DLG2: variants seen among roughly 807,000 people sequenced by gnomAD.
The protein encoded by DLG2 is disks large homolog 2.
DLG2 carries 45 observed loss-of-function variants against 132.5 expected under a neutral mutation model. The observed-to-expected ratio is 0.34, with a 90% confidence interval of 0.27 to 0.44. The LOEUF (loss-of-function observed/expected upper bound fraction) is 0.44, where lower values mean the gene tolerates loss of function less well. DLG2 is among the 20% of genes least tolerant of loss of function. The probability of loss-of-function intolerance (pLI) is 1.00; values close to 1 mark genes in which losing one functional copy is unlikely to be tolerated. For missense variants in DLG2, 1,045 were observed against 1,196.9 expected (o/e 0.87, Z 1.87); for synonymous variants, 424 against 419.6 (o/e 1.01, Z -0.13).
intron 5 of DLG2, among the ~76,000 whole-genome samples, chr11:85,112,844 G>C (rs986853687): frequency 6.6e-6 from 1 of 152,004 alleles, no homozygotes; most frequent in African/African-American, 2.4e-5. Flanking sequence ...TGTTATTTTA[G>C]ACTGTCTCTT....
chr11:85,271,108 G>A (rs1229823839), intron 4 of DLG2, among the ~76,000 whole-genome samples: 1 of 152,156 alleles, frequency 6.6e-6, no homozygotes, highest in Non-Finnish European at 1.5e-5. Flanking sequence ...GGTTTTGTGG[G>A]CCAGGCCCAG....
intron 6 of DLG2, among the ~76,000 whole-genome samples, chr11:84,841,319 A>G (rs956569776): frequency 6.6e-6 from 1 of 151,982 alleles, no homozygotes; most frequent in African/African-American, 2.4e-5. Flanking sequence ...TGGGTTGTGA[A>G]AGAAATAAAA....
At chr11:85,094,798 C>G (rs941735256) in intron 6 of DLG2, among the ~76,000 whole-genome samples, 1 of 152,178 alleles carries the variant, frequency 6.6e-6, no homozygotes, top group African/African-American at 2.4e-5. Context: ...TAATTTCCTT[C>G]AAGAACTTTT....
chr11:85,498,143 TAAAG>T (rs1384500175), intron 3 of DLG2, among the ~76,000 whole-genome samples: 2 of 151,920 alleles, frequency 1.3e-5, no homozygotes, highest in African/African-American at 4.8e-5. Context: ...GCAAATAAAA[TAAAG>T]AGTCAAGAAC....
chr11:83,567,584 A>G (rs1473336598), intron 19 of DLG2, among the ~76,000 whole-genome samples: 5 of 152,212 alleles, frequency 3.3e-5, no homozygotes, highest in African/African-American at 1.2e-4. Context: ...GTCTAGTAGG[A>G]AAGAAAATTA....
At chr11:85,111,832 TA>T (rs2072805771) in intron 5 of DLG2, 97 bp from the exon 6 acceptor site, 8 of 887,462 alleles carry the variant, frequency 9.0e-6, no homozygotes, top group Non-Finnish European at 1.3e-5. Context: ...TTTATTACCT[TA>T]TTTATAATCA....
intron 19 of DLG2, among the ~76,000 whole-genome samples, chr11:83,593,660 A>G (rs2097231922): frequency 6.7e-6 from 1 of 149,212 alleles, no homozygotes; most frequent in South Asian, 2.1e-4. Flanking sequence ...AAAGAAATAT[A>G]TTAAAAAAAA....
chr11:85,087,605 G>A (rs1040712808), intron 6 of DLG2, among the ~76,000 whole-genome samples: 1 of 152,052 alleles, frequency 6.6e-6, no homozygotes, highest in South Asian at 2.1e-4. Flanking sequence ...TTGGGAGGCC[G>A]AGGCGGGTGG....
chr11:84,960,584 C>T (rs970758876), intron 6 of DLG2, among the ~76,000 whole-genome samples: 5 of 151,940 alleles, frequency 3.3e-5, no homozygotes, highest in African/African-American at 1.2e-4. Context: ...TACAGGCACA[C>T]ACCACCATGC....
chr11:83,973,126 T>A (rs1358468872), intron 12 of DLG2, among the ~76,000 whole-genome samples: 1 of 152,116 alleles, frequency 6.6e-6, no homozygotes, highest in Non-Finnish European at 1.5e-5. Flanking sequence ...ATCACATGGA[T>A]ATTTATATTT....
At chr11:84,945,074 G>T (rs761574653) in intron 6 of DLG2, among the ~76,000 whole-genome samples, 1 of 152,138 alleles carries the variant, frequency 6.6e-6, no homozygotes, top group Non-Finnish European at 1.5e-5. Flanking sequence ...TCATGTTTTC[G>T]TAGATGGTCT....
chr11:83,870,680 G>A (rs79089740), intron 16 of DLG2, among the ~76,000 whole-genome samples: 312 of 152,280 alleles, frequency 2.0e-3, no homozygotes, highest in African/African-American at 7.4e-3. Context: ...TTTTTTCTGA[G>A]AAGAAGCTTC....
intron 11 of DLG2, among the ~76,000 whole-genome samples, chr11:84,052,585 A>G (rs1566235421): frequency 6.6e-6 from 1 of 151,948 alleles, no homozygotes; most frequent in African/African-American, 2.4e-5. Flanking sequence ...GCCAACAAAC[A>G]TATGAAAAAA....
intron 8 of DLG2, among the ~76,000 whole-genome samples, chr11:84,184,539 T>C (rs1459478206): frequency 3.3e-5 from 5 of 151,398 alleles, no homozygotes; most frequent in African/African-American, 4.8e-5. Flanking sequence ...ACTCTGATGG[T>C]AGTTTCTTTT....
intron 6 of DLG2, among the ~76,000 whole-genome samples, chr11:84,601,230 A>AACAC (rs147136019): frequency 2.6e-5 from 4 of 151,166 alleles, no homozygotes; most frequent in Non-Finnish European, 5.9e-5. Flanking sequence ...ATTGTTTTGA[A>AACAC]ACACACACAC....
At chr11:84,885,323 A>G (rs1480065596) in intron 6 of DLG2, among the ~76,000 whole-genome samples, 1 of 152,018 alleles carries the variant, frequency 6.6e-6, no homozygotes, top group African/African-American at 2.4e-5. Flanking sequence ...TATGCACATT[A>G]GGAAAGCAAT....
At chr11:84,578,291 GC>G (rs1396035431) in intron 6 of DLG2, among the ~76,000 whole-genome samples, 1 of 152,066 alleles carries the variant, frequency 6.6e-6, no homozygotes, top group Non-Finnish European at 1.5e-5. Flanking sequence ...GGGCCACTGT[GC>G]TCCAGACCCC....
intron 3 of DLG2, among the ~76,000 whole-genome samples, chr11:85,378,028 T>G (rs529103470): frequency 6.2e-4 from 95 of 152,052 alleles, no homozygotes; most frequent in Admixed American, 3.7e-3. Context: ...CCCACATATT[T>G]TCTTCATGGG....
intron 6 of DLG2, among the ~76,000 whole-genome samples, chr11:85,055,718 G>C: frequency 6.6e-6 from 1 of 152,160 alleles, no homozygotes; most frequent in Non-Finnish European, 1.5e-5. Context: ...AGACTATGAA[G>C]TTGGGAAGAA....
Sources: allele counts gnomAD v4.1 joint callset (sites outside exome capture counted in the v4.1 genomes callset), GRCh38; gene constraint gnomAD v4.1.1; transcripts MANE v1.5; gene names NCBI Gene and HGNC (gene_info 2026-07-23, HGNC 2026-07-21).